ITSN1: variants seen among roughly 807,000 people sequenced by gnomAD.
ITSN1 encodes the protein intersectin-1.
In ITSN1, 58 loss-of-function variants were observed where a neutral mutation model predicts 239.8. That is an observed-to-expected ratio of 0.24 (90% CI 0.20 to 0.30). The LOEUF (loss-of-function observed/expected upper bound fraction) is 0.30. Among genes scored for constraint, ITSN1 ranks in the 10% least tolerant of loss-of-function variants. The pLI is 1.00. For synonymous variants in ITSN1, 780 were observed against 770.8 expected (o/e 1.01, Z -0.20); for missense variants, 1,558 against 2,103.3 (o/e 0.74, Z 5.07).
intron 1 of ITSN1, among the ~76,000 whole-genome samples, chr21:33,698,692 G>A (rs191922350): frequency 2.9e-4 from 44 of 152,096 alleles, no homozygotes; most frequent in East Asian, 5.8e-4. Flanking sequence ...TTTTTGTCTC[G>A]CTTTCAGTAC....
chr21:33,809,649 T>A (rs2072746417), intron 20 of ITSN1, among the ~76,000 whole-genome samples: 1 of 152,226 alleles, frequency 6.6e-6, no homozygotes, highest in Non-Finnish European at 1.5e-5. Flanking sequence ...GTTAAGACCC[T>A]GCCTACTCAT....
In ITSN1 at chr21:33,883,428, C is replaced by T. The variant is rs77872495; in HGVS notation, c.4555-122C>T. ...AAACACACGCACGAGTGTGCACACACGCGCTGACTTGCAGTCTCGTTTACT... is the reference window on the plus strand; with the variant it reads ...AAACACACGCACGAGTGTGCACACATGCGCTGACTTGCAGTCTCGTTTACT... On this transcript the variant is annotated intron_variant, in intron 35 of 39. Transcript: ENST00000381318. 802 of 1,323,966 alleles carry T rather than the reference C, an allele frequency of 6.1e-4. 11 individuals carry two copies. In the South Asian group the frequency reaches 9.5e-3, roughly 16 times the overall value. 82.0% of individuals were successfully genotyped at this position (1,323,966 alleles called of 1,614,324 possible). A position where few individuals can be genotyped will look rare whatever the true frequency, so the allele number is the denominator to read the frequency against.
chr21:33,868,911 A>G (rs889052292), intron 33 of ITSN1, among the ~76,000 whole-genome samples: 2 of 152,082 alleles, frequency 1.3e-5, no homozygotes, highest in Non-Finnish European at 2.9e-5. Context: ...TGTGTGACCA[A>G]GTGGCTTCTA....
chr21:33,868,370 C>T (rs1040497936), intron 33 of ITSN1, among the ~76,000 whole-genome samples: 20 of 152,328 alleles, frequency 1.3e-4, no homozygotes, highest in African/African-American at 4.6e-4. Flanking sequence ...GAGCAGGGGG[C>T]GGCGCTCGTC....
chr21:33,646,327 T>C (rs958858610), intron 1 of ITSN1, among the ~76,000 whole-genome samples: 1 of 152,226 alleles, frequency 6.6e-6, no homozygotes, highest in Non-Finnish European at 1.5e-5. Flanking sequence ...TAAGTCACAG[T>C]GTAGTGGTAA....
rs542230468 is a variant in ITSN1 at position 33,668,970 on chromosome 21, A to T, written c.-33+26257A>T. Among the ~76,000 whole-genome samples, 14 of 152,326 alleles carry T rather than the reference A, an allele frequency of 9.2e-5. 1 individual carries two copies. In the East Asian group the frequency reaches 2.7e-3, roughly 29 times the overall value. ...ATAGATGCCTAGGCGGCTGAAGGGG[A>T]TGTGGCAAGTGGATGGCCTCCCTCA... is the stretch of plus-strand genomic sequence containing the variant. On this transcript the variant is annotated intron_variant, in intron 1 of 39. Coordinates refer to ENST00000381318, the MANE Select transcript of ITSN1 (RefSeq NM_003024.3).
At chr21:33,715,413 T>A (rs2065077387) in intron 1 of ITSN1, among the ~76,000 whole-genome samples, 1 of 152,216 alleles carries the variant, frequency 6.6e-6, no homozygotes, top group South Asian at 2.1e-4. Context: ...ACAGAATGTA[T>A]TCTCATATAT....
intron 28 of ITSN1, among the ~76,000 whole-genome samples, chr21:33,834,868 A>C (rs535851783): frequency 1.3e-5 from 2 of 152,108 alleles, no homozygotes; most frequent in Non-Finnish European, 2.9e-5. Flanking sequence ...AGACCAAAAT[A>C]GCTCCCCTGT....
intron 1 of ITSN1, among the ~76,000 whole-genome samples, chr21:33,702,376 C>T (rs1227043293): frequency 6.6e-6 from 1 of 152,106 alleles, no homozygotes; most frequent in African/African-American, 2.4e-5. Context: ...CTCGGACTCC[C>T]AAAGTGCTGG....
In ITSN1 at chr21:33,775,047, G is replaced by A. The variant is rs893380850; in HGVS notation, c.1535G>A (p.Ser512Asn). 6 of 1,614,048 alleles carry A rather than the reference G, an allele frequency of 3.7e-6. No individual in the cohort carries two copies. The highest frequency in any genetic ancestry group is 1.7e-5 in the Admixed American group (1 of 60,004). Reference protein sequence around the residue: ...RLTTQRQEIESTNKSRELRIA... With the variant: ...RLTTQRQEIENTNKSRELRIA... ...ACCACCCAAAGGCAAGAAATTGAGA[G>A]CACAAACAAATCTAGAGAGTTGAGA... Residue 512 changes from serine (S) to asparagine (N), a missense_variant, in exon 14 of 40, where the codon AGC becomes AAC. Ser to Asn is a conservative substitution (Grantham distance 46). This residue lies in a region of ITSN1 where 982 missense variants were observed against 1,209.9 expected (regional missense o/e 0.81). Transcript: ENST00000381318.
intron 20 of ITSN1, 131 bp downstream of exon 20, chr21:33,802,575 G>A (rs879190385): frequency 2.4e-6 from 2 of 830,858 alleles, no homozygotes; most frequent in East Asian, 2.6e-5. Context: ...TTGAGTCTGT[G>A]TAGTAGGTTG....
intron 29 of ITSN1, among the ~76,000 whole-genome samples, chr21:33,845,886 C>T (rs1341294487): frequency 6.6e-6 from 1 of 152,250 alleles, no homozygotes; most frequent in Non-Finnish European, 1.5e-5. Context: ...GGGAGTCCCT[C>T]CTCAGAGAGA....
intron 1 of ITSN1, among the ~76,000 whole-genome samples, chr21:33,649,771 C>G (rs1224747998): frequency 6.6e-6 from 1 of 151,768 alleles, no homozygotes; most frequent in African/African-American, 2.4e-5. Context: ...AATCCCAGCA[C>G]TTTGAGAGGC....
intron 29 of ITSN1, among the ~76,000 whole-genome samples, chr21:33,851,348 G>T (rs1026957004): frequency 6.6e-6 from 1 of 151,994 alleles, no homozygotes; most frequent in Non-Finnish European, 1.5e-5. Flanking sequence ...CCCTTCTGAG[G>T]TCCTACTGTC....
At chr21:33,644,554 C>T (rs2087753335) in intron 1 of ITSN1, among the ~76,000 whole-genome samples, 1 of 151,876 alleles carries the variant, frequency 6.6e-6, no homozygotes, top group Non-Finnish European at 1.5e-5. Context: ...TTTTAATGTA[C>T]TTTGGAACCC....
intron 34 of ITSN1, among the ~76,000 whole-genome samples, chr21:33,876,185 C>G (rs1983827180): frequency 1.4e-5 from 2 of 138,724 alleles, no homozygotes; most frequent in Non-Finnish European, 3.1e-5. Flanking sequence ...TTCCTTCCTT[C>G]CTTCTCTCTT....
At chr21:33,871,739 CAAA>C (rs59249373) in intron 33 of ITSN1, among the ~76,000 whole-genome samples, 11 of 137,890 alleles carry the variant, frequency 8.0e-5, no homozygotes, top group Non-Finnish European at 6.3e-5. Context: ...GACTCAGTCT[CAAA>C]AAAAAAAAAA....
In ITSN1 at chr21:33,850,365, C is replaced by T. The variant is rs1022391125; in HGVS notation, c.3662-6371C>T. Among the ~76,000 whole-genome samples the T allele has an allele frequency of 4.6e-5, 7 of 152,242 alleles. No homozygotes were observed. The East Asian group carries it at 1.3e-3, about 29-fold the overall frequency. On this transcript the variant is annotated intron_variant, in intron 29 of 39. Transcript: ENST00000381318. ...TGAGCTCTGCTGGACCCACGAGGGT[C>T]TCTGGTGCCTTTGGGGGCATTCCTT...
chr21:33,893,740 A>G lies in ITSN1; in HGVS notation c.*5440A>G, dbSNP rs1986520770. 6.6e-6 allele frequency: 1 copy of G among 152,214 alleles called. No homozygotes were observed. The highest frequency in any genetic ancestry group is 2.4e-5 in the African/African-American group (1 of 41,450). 9.4% of individuals were successfully genotyped at this position (152,214 alleles called of 1,614,324 possible). On this transcript the variant is annotated 3_prime_UTR_variant, in exon 40 of 40. Transcript: ENST00000381318. ...ACACAGTTTATTTGAGCTAGAGGAA[A>G]GGAAAGTTCTAGAATTCCTGTTTCC... is the stretch of plus-strand genomic sequence containing the variant.
Sources: allele counts gnomAD v4.1 joint callset (sites outside exome capture counted in the v4.1 genomes callset), GRCh38; gene constraint gnomAD v4.1.1; regional missense constraint gnomAD v4.1.1; transcripts MANE v1.5; gene names NCBI Gene and HGNC (gene_info 2026-07-23, HGNC 2026-07-21).